The following GTF2I variants were observed in gnomAD, a reference collection of about 807,000 sequenced individuals.
The protein encoded by GTF2I is general transcription factor II-I.
A neutral mutation model predicts 67.6 loss-of-function variants in GTF2I; 12 were observed. The observed-to-expected ratio is 0.18, with a 90% CI of 0.11 to 0.29. The LOEUF (loss-of-function observed/expected upper bound fraction) is 0.29, where lower values mean the gene tolerates loss of function less well. GTF2I is among the 10% of genes least tolerant of loss of function. The pLI, the probability that GTF2I is intolerant of heterozygous loss-of-function variation, is 1.00. For missense variants in GTF2I, 271 were observed against 580.1 expected (o/e 0.47, Z 5.47); for synonymous variants, 149 against 197.0 (o/e 0.76, Z 2.04).
intron 12 of GTF2I, chr7:74,727,973 TTC>T (rs1228913015): frequency 6.6e-6 from 1 of 152,240 alleles, no homozygotes; most frequent in East Asian, 1.9e-4. Flanking sequence ...GCAGCCCTAT[TTC>T]TTTAAGCCCA....
intron 1 of GTF2I, among the ~76,000 whole-genome samples, chr7:74,687,728 C>T (rs1338800398): frequency 6.6e-6 from 1 of 152,208 alleles, no homozygotes; most frequent in Non-Finnish European, 1.5e-5. Context: ...CTGCTGACAG[C>T]TCCTCAGCTG....
At chr7:74,705,335 A>G (rs782577493) in intron 7 of GTF2I, 117 bp downstream of exon 7, 6 of 680,270 alleles carry the variant, frequency 8.8e-6, no homozygotes, top group Non-Finnish European at 1.6e-5. Flanking sequence ...TTAAAGTTTA[A>G]TAGGCAAGGA....
At chr7:74,719,889 C>T (rs1320992827) in intron 12 of GTF2I, among the ~76,000 whole-genome samples, 1 of 152,042 alleles carries the variant, frequency 6.6e-6, no homozygotes, top group Non-Finnish European at 1.5e-5. Context: ...CATTGCACTA[C>T]AGCCTGGGCG....
At chr7:74,665,200 C>T (rs1804866015) in intron 1 of GTF2I, among the ~76,000 whole-genome samples, 1 of 151,576 alleles carries the variant, frequency 6.6e-6, no homozygotes, top group African/African-American at 2.4e-5. Flanking sequence ...CCTCGGCCTC[C>T]CAAAGTGCTG....
At chr7:74,706,226 CT>C in intron 7 of GTF2I, among the ~76,000 whole-genome samples, 163 bp from the exon 8 acceptor site, 2 of 152,322 alleles carry the variant, frequency 1.3e-5, no homozygotes, top group Middle Eastern at 6.8e-3. Flanking sequence ...CCCAATAACT[CT>C]TATTTATGCA....
rs1335141416 is a variant in GTF2I, at chr7:74,689,610, G to A, written c.99+383G>A. Among the ~76,000 whole-genome samples, 6 of 151,712 alleles carry A rather than the reference G, an allele frequency of 4.0e-5. No homozygotes were observed. In the East Asian group the frequency reaches 7.8e-4, roughly 20 times the overall value. On this transcript the variant is annotated intron_variant, in intron 2 of 34. Transcript: ENST00000573035. ...ACCTCTTGATCCACCTGCCTCAGCC[G>A]CCCAAAGTGCTGGGATTACAGGTGT...
At chr7:74,703,493 T>G (rs1351649660) in intron 6 of GTF2I, among the ~76,000 whole-genome samples, 1 of 151,994 alleles carries the variant, frequency 6.6e-6, no homozygotes, top group Non-Finnish European at 1.5e-5. Flanking sequence ...AATTCTCCTG[T>G]CTCAGCCTCC....
chr7:74,734,393 A>G (rs1794722538), intron 16 of GTF2I, among the ~76,000 whole-genome samples: 2 of 148,954 alleles, frequency 1.3e-5, no homozygotes, highest in African/African-American at 4.9e-5. Context: ...CATTTATATC[A>G]TCTCTTAATT....
intron 1 of GTF2I, among the ~76,000 whole-genome samples, chr7:74,658,303 A>G (rs1804112598): frequency 6.7e-6 from 1 of 148,606 alleles, no homozygotes; most frequent in Non-Finnish European, 1.5e-5. Context: ...AGTGGCCGAA[A>G]CGAGGCGATG....
At chr7:74,686,628 T>C (rs1787748404) in intron 1 of GTF2I, among the ~76,000 whole-genome samples, 1 of 152,210 alleles carries the variant, frequency 6.6e-6, no homozygotes. Context: ...TGTTGTCCAT[T>C]TCGCCTAAGC....
At chr7:74,727,637 CATTT>C (rs1794020526) in intron 12 of GTF2I, 1 of 152,186 alleles carries the variant, frequency 6.6e-6, no homozygotes, top group African/African-American at 2.4e-5. Flanking sequence ...CACCATACCA[CATTT>C]GTTTTTAAAT....
rs587630386 is a variant in GTF2I, at chr7:74,696,209, T to G, written c.239-2752T>G. On this transcript the variant is annotated intron_variant, in intron 3 of 34. Coordinates refer to ENST00000573035, the MANE Select transcript of GTF2I (RefSeq NM_032999.4). ...GTTGGCCTGGCTGGTCTCGAACTCC[T>G]TACCTCAAGTGATCCACCCACCTTG... Among the ~76,000 whole-genome samples the G allele has an allele frequency of 9.2e-5, 14 of 152,160 alleles. No homozygotes were observed. In the South Asian group the frequency reaches 1.9e-3, roughly 20 times the overall value.
chr7:74,726,066 A>G (rs1554405608), intron 12 of GTF2I, among the ~76,000 whole-genome samples: 1 of 152,122 alleles, frequency 6.6e-6, no homozygotes, highest in African/African-American at 2.4e-5. Context: ...TTCCATCTAC[A>G]GCTGTGTTTC....
At chr7:74,721,580 CAATTA>C (rs1278892799) in intron 12 of GTF2I, among the ~76,000 whole-genome samples, 14 of 151,844 alleles carry the variant, frequency 9.2e-5, no homozygotes, top group Admixed American at 5.2e-4. Context: ...ATTACATCAA[CAATTA>C]AATTCCTCAT....
intron 10 of GTF2I, 93 bp from the exon 11 acceptor site, chr7:74,716,801 G>A: frequency 1.3e-6 from 1 of 794,754 alleles, no homozygotes; most frequent in Non-Finnish European, 2.1e-6. Flanking sequence ...TGTTTATTAT[G>A]TCTTAGATTG....
At chr7:74,661,190 G>A (rs1323480227) in intron 1 of GTF2I, among the ~76,000 whole-genome samples, 1 of 152,030 alleles carries the variant, frequency 6.6e-6, no homozygotes, top group Non-Finnish European at 1.5e-5. Context: ...TGGCATGTGC[G>A]GACTCTGCTT....
At chr7:74,679,853 G>A (rs1307717452) in intron 1 of GTF2I, among the ~76,000 whole-genome samples, 1 of 151,832 alleles carries the variant, frequency 6.6e-6, no homozygotes, top group African/African-American at 2.4e-5. Flanking sequence ...GGCCGAGGCA[G>A]GCAGATTTCC....
intron 8 of GTF2I, 98 bp from the exon 9 acceptor site, chr7:74,710,934 T>C (rs1367196326): frequency 5.1e-6 from 3 of 593,544 alleles, no homozygotes; most frequent in East Asian, 6.7e-5. Flanking sequence ...AAAATAAATA[T>C]GCATTGCTGT....
At chr7:74,696,531 C>T (rs587662278) in intron 3 of GTF2I, among the ~76,000 whole-genome samples, 6 of 149,832 alleles carry the variant, frequency 4.0e-5, no homozygotes, top group South Asian at 4.2e-4. Context: ...CTCGCTCTGT[C>T]GCCCAGGCTA....
Sources: gnomAD v4.1 joint callset for allele counts (sites outside exome capture counted in the v4.1 genomes callset) on GRCh38, gnomAD v4.1.1 for gene constraint, MANE v1.5 for transcripts, NCBI Gene and HGNC (gene_info 2026-07-23, HGNC 2026-07-21) for gene names.